The following YARS1 variants were observed in gnomAD, a reference collection of about 807,000 sequenced individuals.
YARS1 encodes tyrosyl-tRNA synthetase 1, also known as tyrosine--tRNA ligase, cytoplasmic.
A neutral mutation model predicts 62.2 loss-of-function variants in YARS1; 36 were observed. The ratio of observed to expected loss-of-function variants is 0.58; its 90% CI spans 0.44 to 0.76. YARS1 has a LOEUF of 0.76. Among genes scored for constraint, YARS1 ranks in the 30% least tolerant of loss-of-function variants. YARS1 has a pLI of 0.00. For synonymous variants in YARS1, 234 were observed against 244.9 expected, an observed-to-expected ratio of 0.96 and a Z score of 0.42; for missense variants, 524 against 639.8, an observed-to-expected ratio of 0.82 and a Z score of 1.95.
At chr1:32,803,581 A>G (rs1638361287) in intron 4 of YARS1, among the ~76,000 whole-genome samples, 1 of 152,160 alleles carries the variant, frequency 6.6e-6, no homozygotes, top group Non-Finnish European at 1.5e-5. Context: ...CTCTCTAGCT[A>G]CGAAAGTCCG....
chr1:32,786,660 C>G (rs1653238853), intron 7 of YARS1: 1 of 704,534 alleles, frequency 1.4e-6, no homozygotes, highest in East Asian at 2.7e-5. Context: ...TGGCTTATAT[C>G]TATTTTGTTG....
rs775335977 is a variant in YARS1 at position 32,780,156 on chromosome 1, C to A, written c.1263G>T (p.Val421=). The A allele has an allele frequency of 3.7e-6, 6 of 1,614,184 alleles. No individual in the cohort carries two copies. The highest frequency in any genetic ancestry group is 5.1e-6 in the Non-Finnish European group (6 of 1,180,036). ...TCTGGGGTTTCAGGTTGCACAGCAC[C>A]ACTACCAGCCTGTCCTGCAGTTCCT... is the stretch of plus-strand genomic sequence containing the variant. ...PKEELQDRLV[V]VLCNLKPQKM... is the part of the protein sequence containing the mutation. The change falls in exon 11 of 13, where the codon GTG becomes GTT. Residue 421 remains valine (V), a synonymous_variant. Transcript: ENST00000373477.
At chr1:32,787,152 GT>G in intron 6 of YARS1, 77 bp from the exon 7 acceptor site, 2 of 1,573,046 alleles carry the variant, frequency 1.3e-6, no homozygotes, top group Non-Finnish European at 8.6e-7. Context: ...GTTAAATTTT[GT>G]TTTTTCTTCT....
chr1:32,776,462 A>G lies in YARS1; in HGVS notation c.1477-371T>C, dbSNP rs532420716. Among the ~76,000 whole-genome samples, 3 of 152,174 alleles carry G rather than the reference A, an allele frequency of 2.0e-5. No homozygotes were observed. The highest frequency in any genetic ancestry group is 7.2e-5 in the African/African-American group (3 of 41,446). ...GCGCCCAGCCTGAAAACTCTCTTAT[A>G]TACCAGTAGGGTAAGGTAAGCTGGC... On this transcript the variant is annotated intron_variant, in intron 12 of 12. Coordinates refer to ENST00000373477, the MANE Select transcript of YARS1 (RefSeq NM_003680.4). The surrounding 1 kb of genome is among the most constrained non-coding windows in gnomAD (Gnocchi z 4.0).
intron 10 of YARS1, 79 bp downstream of exon 10, chr1:32,780,969 C>T: frequency 7.4e-7 from 1 of 1,343,150 alleles, no homozygotes; most frequent in Non-Finnish European, 1.1e-6. Context: ...TTCCCATCTC[C>T]AGGCCACGTT....
chr1:32,814,483 G>T (rs1339273003), intron 1 of YARS1, among the ~76,000 whole-genome samples: 1 of 152,076 alleles, frequency 6.6e-6, no homozygotes, highest in African/African-American at 2.4e-5. Context: ...CTCTGCTCCC[G>T]GGTTCAAACG....
chr1:32,806,190 C>T (rs528312804), intron 4 of YARS1, among the ~76,000 whole-genome samples: 1 of 152,192 alleles, frequency 6.6e-6, no homozygotes, highest in Non-Finnish European at 1.5e-5. Flanking sequence ...AAAACAATTA[C>T]AATATTTAAC....
chr1:32,786,350 C>T lies in YARS1; in HGVS notation c.906+12G>A. 1 of 1,613,328 alleles carries T rather than the reference C, an allele frequency of 6.2e-7. No homozygotes were observed. Among genetic ancestry groups the T allele is most frequent in the Non-Finnish European group, 8.5e-7 (1 of 1,179,504 alleles). Reference sequence around the variant, plus strand: ...GATCTTCATGAAAGGATTCCTTTTCCTTTCATGTTACCTCAGCAGCAAAGT... The same window carrying T: ...GATCTTCATGAAAGGATTCCTTTTCTTTTCATGTTACCTCAGCAGCAAAGT... On this transcript the variant is annotated intron_variant, in intron 8 of 12. Coordinates refer to ENST00000373477, the MANE Select transcript of YARS1 (RefSeq NM_003680.4).
intron 7 of YARS1, 113 bp from the exon 8 acceptor site, chr1:32,786,560 G>A: frequency 9.8e-7 from 1 of 1,019,608 alleles, no homozygotes; most frequent in African/African-American, 1.6e-5. Context: ...CATATATTCT[G>A]AACTTTATTG....
chr1:32,786,758 C>T lies in YARS1; in HGVS notation c.820+182G>A, dbSNP rs1569722154. On this transcript the variant is annotated intron_variant, in intron 7 of 12. Coordinates refer to ENST00000373477, the MANE Select transcript of YARS1 (RefSeq NM_003680.4). ...ATTCCCTCAGAACCTAGCCTGGTAA[C>T]GAATATATGGACAATTAAATTACAT... 2.3e-5 allele frequency: 21 copies of T among 923,016 alleles called. No individual in the cohort carries two copies. In the East Asian group the frequency reaches 2.4e-4, roughly 10 times the overall value. The allele number at this position is 923,016 out of a possible 1,614,324, so 57.2% of individuals were successfully genotyped here.
At chr1:32,782,564 G>A (rs765306742) in intron 8 of YARS1, 25 bp from the exon 9 acceptor site, 3 of 1,614,070 alleles carry the variant, frequency 1.9e-6, no homozygotes, top group Non-Finnish European at 2.5e-6. Flanking sequence ...AAGACCTAGT[G>A]AGATAAAGTC....
intron 5 of YARS1, among the ~76,000 whole-genome samples, chr1:32,796,428 T>G: frequency 6.6e-6 from 1 of 151,896 alleles, no homozygotes; most frequent in Non-Finnish European, 1.5e-5. Context: ...TGTGATGGTG[T>G]GATCATGGCT....
At chr1:32,796,406 C>T (rs1265113657) in intron 5 of YARS1, among the ~76,000 whole-genome samples, 1 of 151,196 alleles carries the variant, frequency 6.6e-6, no homozygotes, top group Non-Finnish European at 1.5e-5. Context: ...TGCTTTGTCA[C>T]CCAGTTTGGA....
intron 6 of YARS1, among the ~76,000 whole-genome samples, chr1:32,790,071 A>G (rs1653363591): frequency 6.9e-6 from 1 of 145,886 alleles, no homozygotes. Flanking sequence ...TTTAGTAGAG[A>G]TGGGGTTTCA....
rs571081942 is a variant in YARS1, at chr1:32,778,992, G to A, written c.1476+390C>T. Among the ~76,000 whole-genome samples the A allele has an allele frequency of 3.8e-4, 57 of 151,966 alleles. No homozygotes were observed. In the East Asian group the frequency reaches 3.9e-3, roughly 10 times the overall value. The stretch of plus-strand genomic sequence containing the variant: ...TGACCTCAGGTGATCCGCCTGCCTC[G>A]GCCTCCCAAAGTGCTGTGATTACAG... On this transcript the variant is annotated intron_variant, in intron 12 of 12. Transcript: ENST00000373477.
intron 4 of YARS1, among the ~76,000 whole-genome samples, chr1:32,803,590 C>T (rs785419): frequency 0.1 from 15,772 of 152,136 alleles, 906 homozygotes; most frequent in Admixed American, 0.17. Flanking sequence ...TACGAAAGTC[C>T]GAGATGGCAT....
chr1:32,780,153 C>A lies in YARS1; in HGVS notation c.1266G>T (p.Val422=), dbSNP rs772014071. 1.2e-6 allele frequency: 2 copies of A among 1,614,080 alleles called. No homozygotes were observed. Among genetic ancestry groups the A allele is most frequent in the Non-Finnish European group, 1.7e-6 (2 of 1,180,034 alleles). ...TCTTCTGGGGTTTCAGGTTGCACAG[C>A]ACCACTACCAGCCTGTCCTGCAGTT... The part of the protein sequence containing the change: ...KEELQDRLVV[V]LCNLKPQKMR... The change falls in exon 11 of 13, where the codon GTG becomes GTT. Residue 422 remains valine (V), a synonymous_variant. Coordinates refer to ENST00000373477, the MANE Select transcript of YARS1 (RefSeq NM_003680.4).
chr1:32,783,976 G>A (rs1254508680), intron 8 of YARS1, among the ~76,000 whole-genome samples: 2 of 151,416 alleles, frequency 1.3e-5, no homozygotes, highest in East Asian at 1.9e-4. Flanking sequence ...TTTTTCTGAG[G>A]AATTTCATCT....
At position 32,817,277 on chromosome 1, in the gene YARS1, C is replaced by T. The variant is rs1354774122; in HGVS notation, c.-33G>A. The T allele has an allele frequency of 1.2e-6, 2 of 1,613,196 alleles. No individual in the cohort carries two copies. The highest frequency in any genetic ancestry group is 1.7e-4 in the Middle Eastern group (1 of 6,056). ...CTACCCCTGCTTCCCCCGCTCAGCC[C>T]GGCACCAGAGCCCCTTCCTGGGTCA... On this transcript the variant is annotated 5_prime_UTR_variant, in exon 1 of 13. Coordinates refer to ENST00000373477, the MANE Select transcript of YARS1 (RefSeq NM_003680.4).
Sources: allele counts gnomAD v4.1 joint callset (sites outside exome capture counted in the v4.1 genomes callset), GRCh38; gene constraint gnomAD v4.1.1; non-coding constraint Gnocchi (gnomAD v3.1); transcripts MANE v1.5; gene names NCBI Gene and HGNC (gene_info 2026-07-23, HGNC 2026-07-21).